Variants in NPAS3 observed in about 807,000 individuals in gnomAD.
The protein encoded by NPAS3 is neuronal PAS domain-containing protein 3.
A neutral mutation model predicts 73.1 loss-of-function variants in NPAS3; 14 were observed. That is an observed-to-expected ratio of 0.19 (90% CI 0.13 to 0.30). The LOEUF (loss-of-function observed/expected upper bound fraction) is 0.30. Among genes scored for constraint, NPAS3 ranks in the 10% least tolerant of loss-of-function variants. NPAS3 has a pLI of 1.00. For synonymous variants in NPAS3, 620 were observed against 541.5 expected (o/e 1.14, Z -2.01); for missense variants, 1,096 against 1,250.0 (o/e 0.88, Z 1.86).
At chr14:33,732,246 C>T (rs936583535) in intron 6 of NPAS3, among the ~76,000 whole-genome samples, 5 of 152,194 alleles carry the variant, frequency 3.3e-5, no homozygotes, top group Admixed American at 6.5e-5. Flanking sequence ...CACACACACA[C>T]ACTTTCTCTT....
chr14:33,512,874 T>C (rs2053124613), intron 4 of NPAS3, among the ~76,000 whole-genome samples: 1 of 152,090 alleles, frequency 6.6e-6, no homozygotes. Context: ...GACTTTTATA[T>C]CACTGTATAT....
intron 1 of NPAS3, among the ~76,000 whole-genome samples, chr14:33,046,890 C>T (rs1434812261): frequency 6.6e-6 from 1 of 152,164 alleles, no homozygotes; most frequent in African/African-American, 2.4e-5. Flanking sequence ...AGGAGAATCA[C>T]TTGAACCTGG....
chr14:33,224,250 G>A (rs536638725), intron 3 of NPAS3, among the ~76,000 whole-genome samples: 1 of 152,236 alleles, frequency 6.6e-6, no homozygotes, highest in East Asian at 1.9e-4. Context: ...ACAATATATA[G>A]TTCCAGTGCT....
At chr14:33,157,313 C>A (rs1169496411) in intron 2 of NPAS3, among the ~76,000 whole-genome samples, 1 of 152,190 alleles carries the variant, frequency 6.6e-6, no homozygotes, top group Non-Finnish European at 1.5e-5. Flanking sequence ...TATCAGAGAA[C>A]CTAACATCAG....
intron 4 of NPAS3, among the ~76,000 whole-genome samples, chr14:33,379,774 A>G (rs564708050): frequency 6.6e-6 from 1 of 152,314 alleles, no homozygotes; most frequent in African/African-American, 2.4e-5. Context: ...ATCCTGGACT[A>G]GTAGTAGTCT....
intron 2 of NPAS3, among the ~76,000 whole-genome samples, chr14:33,171,008 C>T (rs1245369179): frequency 1.3e-5 from 2 of 152,208 alleles, no homozygotes; most frequent in Non-Finnish European, 2.9e-5. Context: ...AGAGGAATCA[C>T]TACCTACGGC....
At chr14:33,435,690 T>G (rs1322618101) in intron 4 of NPAS3, among the ~76,000 whole-genome samples, 1 of 152,182 alleles carries the variant, frequency 6.6e-6, no homozygotes, top group Admixed American at 6.5e-5. Context: ...TTAGATTTCT[T>G]TACCCAAGGG....
At chr14:33,469,407 G>A (rs2050681745) in intron 4 of NPAS3, among the ~76,000 whole-genome samples, 1 of 151,994 alleles carries the variant, frequency 6.6e-6, no homozygotes, top group African/African-American at 2.4e-5. Context: ...TATGAGGCAG[G>A]TATAATTATA....
intron 2 of NPAS3, among the ~76,000 whole-genome samples, chr14:33,063,240 G>A (rs773408944): frequency 5.3e-5 from 8 of 152,158 alleles, no homozygotes; most frequent in East Asian, 1.9e-4. Context: ...AGATGCCAAC[G>A]TCAGGCACTG....
chr14:33,119,235 A>G (rs191169194), intron 2 of NPAS3, among the ~76,000 whole-genome samples: 375 of 152,232 alleles, frequency 2.5e-3, no homozygotes, highest in Non-Finnish European at 4.2e-3. Flanking sequence ...TTGCAAGCTT[A>G]AATGAGTAGC....
chr14:33,792,581 CAAAAA>C (rs199708187), intron 9 of NPAS3, among the ~76,000 whole-genome samples: 51,107 of 126,270 alleles, frequency 0.4, 9,127 homozygotes, highest in East Asian at 0.58. Flanking sequence ...CACCCCCCTC[CAAAAA>C]AAAAAAAAAA....
intron 1 of NPAS3, among the ~76,000 whole-genome samples, chr14:33,054,475 C>A (rs1334125204): frequency 6.6e-6 from 1 of 151,900 alleles, no homozygotes; most frequent in Non-Finnish European, 1.5e-5. Flanking sequence ...TAAATAAAAT[C>A]TTATTAATGC....
chr14:33,411,271 C>T (rs111974902), intron 4 of NPAS3, among the ~76,000 whole-genome samples: 14,501 of 152,302 alleles, frequency 0.095, 723 homozygotes, highest in East Asian at 0.14. Context: ...TCACTGCAAC[C>T]TCCTGGGTTC....
chr14:33,779,635 G>A (rs1467634286), intron 9 of NPAS3, among the ~76,000 whole-genome samples: 1 of 152,188 alleles, frequency 6.6e-6, no homozygotes, highest in East Asian at 1.9e-4. Flanking sequence ...CTGTGTTACA[G>A]TTGCCTACCA....
At chr14:33,545,666 A>G (rs543661358) in intron 4 of NPAS3, among the ~76,000 whole-genome samples, 148 of 152,304 alleles carry the variant, frequency 9.7e-4, no homozygotes, top group African/African-American at 3.3e-3. Context: ...GCTCTTTAGC[A>G]TCACTGAAGG....
chr14:33,083,581 G>A (rs2041930889), intron 2 of NPAS3, among the ~76,000 whole-genome samples: 1 of 152,196 alleles, frequency 6.6e-6, no homozygotes, highest in African/African-American at 2.4e-5. Flanking sequence ...AAGAGGAGGT[G>A]CAGGTGGCAG....
intron 2 of NPAS3, among the ~76,000 whole-genome samples, chr14:33,197,268 T>TGTGTGTGTGTGTG (rs1555353808): frequency 1.8e-4 from 18 of 98,030 alleles, no homozygotes; most frequent in South Asian, 1.6e-3. Context: ...TGTGTGTGTG[T>TGTGTGTGTGTGTG]TCTTTTTCAA....
rs55885070 is a variant in NPAS3 at position 33,582,970 on chromosome 14, G to GTTTTTTTTTTTTTTTTTTTTTTTTTT, written c.558+22776_558+22777insTTTTTTTTTTTTTTTTTTTTTTTTTT. On this transcript the variant is annotated intron_variant, in intron 5 of 11. Transcript: ENST00000356141. ...TCCTTTGGACCTAGATATTTAAAGG[G>GTTTTTTTTTTTTTTTTTTTTTTTTTT]TTTTTTTTTTTTTTTTGGCTACTGG... Among the ~76,000 whole-genome samples, 44 of 93,274 alleles carry GTTTTTTTTTTTTTTTTTTTTTTTTTT rather than the reference G, an allele frequency of 4.7e-4. 3 individuals are homozygous for GTTTTTTTTTTTTTTTTTTTTTTTTTT. Among genetic ancestry groups the GTTTTTTTTTTTTTTTTTTTTTTTTTT allele is most frequent in the African/African-American group, 1.5e-3 (19 of 12,776 alleles). 61.2% of individuals were successfully genotyped at this position (93,274 alleles called of 152,430 possible).
At chr14:33,625,776 AAATAAT>A (rs1427529275) in intron 5 of NPAS3, among the ~76,000 whole-genome samples, 1 of 152,216 alleles carries the variant, frequency 6.6e-6, no homozygotes, top group Non-Finnish European at 1.5e-5. Flanking sequence ...TATTGTCTCC[AAATAAT>A]AATAATAACA....
Sources: allele counts gnomAD v4.1 joint callset (sites outside exome capture counted in the v4.1 genomes callset), GRCh38; gene constraint gnomAD v4.1.1; transcripts MANE v1.5; gene names NCBI Gene and HGNC (gene_info 2026-07-23, HGNC 2026-07-21).